SV2C: variants seen among roughly 807,000 people sequenced by gnomAD.
SV2C encodes synaptic vesicle glycoprotein 2C.
A neutral mutation model predicts 79.7 loss-of-function variants in SV2C; 49 were observed. The observed-to-expected ratio is 0.61, with a 90% CI of 0.49 to 0.78. The LOEUF (loss-of-function observed/expected upper bound fraction) is 0.78. Among genes scored for constraint, SV2C ranks in the 30% least tolerant of loss-of-function variants. The pLI, the probability that SV2C is intolerant of heterozygous loss-of-function variation, is 0.00. For missense variants in SV2C, 833 were observed against 912.9 expected, an observed-to-expected ratio of 0.91 and a Z score of 1.13; for synonymous variants, 334 against 333.2, an observed-to-expected ratio of 1.00 and a Z score of -0.03.
the SV2C span, among the ~76,000 whole-genome samples, chr5:76,007,349 G>A: frequency 1.3e-5 from 2 of 152,018 alleles, no homozygotes. Context: ...AACAGACTTC[G>A]CTTGAACAAA....
At chr5:76,053,646 G>C in the SV2C span, among the ~76,000 whole-genome samples, 1 of 152,082 alleles carries the variant, frequency 6.6e-6, no homozygotes, top group Non-Finnish European at 1.5e-5. Context: ...AAACATCCAT[G>C]GTGTTTTTTG....
chr5:76,089,953 A>G (rs1254208828), intron 1 of SV2C, among the ~76,000 whole-genome samples: 2 of 152,216 alleles, frequency 1.3e-5, no homozygotes, highest in Non-Finnish European at 2.9e-5. Context: ...TGTACTTTAA[A>G]AGGTATCTTT....
chr5:75,991,027 G>C, the SV2C span, among the ~76,000 whole-genome samples: 1 of 151,726 alleles, frequency 6.6e-6, no homozygotes, highest in Non-Finnish European at 1.5e-5. Context: ...CATAAATGCT[G>C]GGCCAAAGTA....
At chr5:76,148,983 A>G (rs1749519024) in intron 2 of SV2C, among the ~76,000 whole-genome samples, 1 of 152,162 alleles carries the variant, frequency 6.6e-6, no homozygotes, top group African/African-American at 2.4e-5. Flanking sequence ...CCTCCCCAAG[A>G]TATTCCAAGG....
chr5:76,340,924 A>T (rs867974092), intron 12 of SV2C, among the ~76,000 whole-genome samples: 2,446 of 112,108 alleles, frequency 0.022, 95 homozygotes, highest in African/African-American at 0.078. Flanking sequence ...GTTTTACAAA[A>T]TTTTTTTTTT....
the SV2C span, among the ~76,000 whole-genome samples, chr5:76,049,918 C>G: frequency 6.6e-6 from 1 of 152,204 alleles, no homozygotes; most frequent in African/African-American, 2.4e-5. Flanking sequence ...AACAGTACAT[C>G]ATGACTATGA....
At chr5:75,963,789 A>G in the SV2C span, among the ~76,000 whole-genome samples, 4 of 152,082 alleles carry the variant, frequency 2.6e-5, no homozygotes. Context: ...TGGAATGCCT[A>G]TAAGCCAAAT....
At chr5:76,145,649 A>G (rs935358490) in intron 2 of SV2C, among the ~76,000 whole-genome samples, 2 of 152,108 alleles carry the variant, frequency 1.3e-5, no homozygotes, top group African/African-American at 4.8e-5. Flanking sequence ...CAAAGAGGAG[A>G]CAGAATCGAC....
intron 12 of SV2C, among the ~76,000 whole-genome samples, chr5:76,302,809 C>G (rs1210655270): frequency 6.6e-6 from 1 of 151,708 alleles, no homozygotes; most frequent in African/African-American, 2.4e-5. Flanking sequence ...CCTTCATGTA[C>G]CACTCCTGTG....
the SV2C span, among the ~76,000 whole-genome samples, chr5:75,912,943 C>T: frequency 3.3e-5 from 5 of 152,286 alleles, no homozygotes; most frequent in South Asian, 2.1e-4. Flanking sequence ...ATAGGCTAAA[C>T]TCTTTGTTTT....
the SV2C span, among the ~76,000 whole-genome samples, chr5:75,912,269 G>T: frequency 6.6e-6 from 1 of 152,110 alleles, no homozygotes; most frequent in African/African-American, 2.4e-5. Flanking sequence ...GACCCATTTT[G>T]CAAGACTTAA....
the SV2C span, among the ~76,000 whole-genome samples, chr5:75,895,357 C>T: frequency 1.3e-5 from 2 of 152,106 alleles, no homozygotes; most frequent in South Asian, 2.1e-4. Context: ...TACAAAGACT[C>T]TACATCAGCT....
intron 4 of SV2C, among the ~76,000 whole-genome samples, chr5:76,264,463 T>C (rs1012402532): frequency 1.3e-5 from 2 of 152,100 alleles, no homozygotes; most frequent in South Asian, 2.1e-4. Flanking sequence ...GTCTATCCAG[T>C]TTTGTGCCCT....
At chr5:76,177,224 AT>A (rs1743564204) in intron 2 of SV2C, among the ~76,000 whole-genome samples, 5 of 55,512 alleles carry the variant, frequency 9.0e-5, no homozygotes, top group Admixed American at 4.2e-4. Flanking sequence ...ATACAAATAT[AT>A]TAATCTGTAT....
intron 2 of SV2C, among the ~76,000 whole-genome samples, chr5:76,136,775 A>G (rs1355903620): frequency 6.6e-6 from 1 of 152,242 alleles, no homozygotes; most frequent in Non-Finnish European, 1.5e-5. Flanking sequence ...CCGGGCAGAT[A>G]AAAGGAAGGA....
At position 76,315,961 on chromosome 5, in the gene SV2C, C is replaced by T. The variant is rs75650279; in HGVS notation, c.2001-9403C>T. On this transcript the variant is annotated intron_variant, in intron 12 of 12. Coordinates refer to ENST00000502798, the MANE Select transcript of SV2C (RefSeq NM_014979.4). Reference sequence around the variant, plus strand: ...CCCTAATGAACACACACAAACGAAGCAGGTCATATATGTGAAGGTGTTAAT... The same window carrying T: ...CCCTAATGAACACACACAAACGAAGTAGGTCATATATGTGAAGGTGTTAAT... Among the ~76,000 whole-genome samples the T allele has an allele frequency of 3.3e-3, 501 of 152,262 alleles. 3 individuals are homozygous for T. The highest frequency in any genetic ancestry group is 0.012 in the African/African-American group (480 of 41,550).
chr5:75,900,180 A>G, the SV2C span, among the ~76,000 whole-genome samples: 2,519 of 152,226 alleles, frequency 0.017, 35 homozygotes, highest in African/African-American at 0.043. Context: ...TACAGTTTCC[A>G]TGATTTTGCA....
the SV2C span, among the ~76,000 whole-genome samples, chr5:76,053,085 C>A: frequency 6.9e-6 from 1 of 145,516 alleles, no homozygotes; most frequent in Non-Finnish European, 1.5e-5. Flanking sequence ...TACAAGACAT[C>A]TTAATTCCTA....
chr5:76,100,108 T>C (rs1471895191), intron 1 of SV2C, among the ~76,000 whole-genome samples: 1 of 152,202 alleles, frequency 6.6e-6, no homozygotes, highest in African/African-American at 2.4e-5. Flanking sequence ...ATTAGGATAA[T>C]AGGAAAAGGA....
Sources: gnomAD v4.1 joint callset for allele counts (sites outside exome capture counted in the v4.1 genomes callset) on GRCh38, gnomAD v4.1.1 for gene constraint, MANE v1.5 for transcripts, NCBI Gene and HGNC (gene_info 2026-07-23, HGNC 2026-07-21) for gene names.